RORA: variants seen among roughly 807,000 people sequenced by gnomAD.
RORA encodes RAR related orphan receptor A.
RORA carries 7 observed loss-of-function variants against 69.5 expected under a neutral mutation model. The observed-to-expected ratio is 0.10, with a 90% CI of 0.06 to 0.19. The LOEUF is 0.19. Ranked by LOEUF, RORA falls within the 10% of genes least tolerant of loss-of-function variation. RORA has a pLI of 1.00. For missense variants in RORA, 457 were observed against 663.0 expected (o/e 0.69, Z 3.41); for synonymous variants, 261 against 240.8 (o/e 1.08, Z -0.78).
chr15:61,193,695 T>C (rs995563439), intron 1 of RORA, among the ~76,000 whole-genome samples: 1 of 152,224 alleles, frequency 6.6e-6, no homozygotes, highest in Non-Finnish European at 1.5e-5. Flanking sequence ...AGAAACATCA[T>C]GTTAATTGCT....
intron 1 of RORA, among the ~76,000 whole-genome samples, chr15:61,052,463 G>A (rs938155186): frequency 1.3e-5 from 2 of 152,176 alleles, no homozygotes; most frequent in African/African-American, 2.4e-5. Context: ...AGTATCGTAC[G>A]ATGCTGATAC....
intron 2 of RORA, among the ~76,000 whole-genome samples, chr15:60,576,738 T>G (rs2068037686): frequency 6.6e-6 from 1 of 152,204 alleles, no homozygotes; most frequent in Non-Finnish European, 1.5e-5. Context: ...ATGGTGTATG[T>G]GTTAAGGTGC....
intron 2 of RORA, among the ~76,000 whole-genome samples, chr15:60,641,678 T>C (rs1438098325): frequency 1.3e-5 from 2 of 152,218 alleles, no homozygotes; most frequent in Non-Finnish European, 2.9e-5. Flanking sequence ...CCCAAAGTGC[T>C]GGGATTACAG....
intron 1 of RORA, among the ~76,000 whole-genome samples, chr15:61,103,017 T>A (rs1052654353): frequency 1.3e-5 from 2 of 152,244 alleles, no homozygotes; most frequent in Non-Finnish European, 1.5e-5. Context: ...GCCTACTATA[T>A]GCTTGGCAGG....
chr15:60,851,161 C>T (rs999051131), intron 1 of RORA, among the ~76,000 whole-genome samples: 9 of 152,176 alleles, frequency 5.9e-5, no homozygotes, highest in African/African-American at 2.2e-4. Flanking sequence ...TGTACATATA[C>T]ACACATAAAT....
At chr15:61,203,974 T>TTA (rs2079917321) in intron 1 of RORA, among the ~76,000 whole-genome samples, 1 of 152,226 alleles carries the variant, frequency 6.6e-6, no homozygotes, top group Admixed American at 6.5e-5. Flanking sequence ...CTGAGGCTGC[T>TTA]TAGTGTCAAA....
intron 1 of RORA, among the ~76,000 whole-genome samples, chr15:60,729,882 T>C (rs889715674): frequency 1.3e-5 from 2 of 152,264 alleles, no homozygotes; most frequent in African/African-American, 2.4e-5. Context: ...TTAAGGCTAG[T>C]TGTGGACAAT....
intron 1 of RORA, among the ~76,000 whole-genome samples, chr15:61,064,294 G>A (rs1196084916): frequency 6.6e-6 from 1 of 152,208 alleles, no homozygotes; most frequent in African/African-American, 2.4e-5. Flanking sequence ...CATCCGCGAA[G>A]GTTGTCCAGG....
intron 1 of RORA, among the ~76,000 whole-genome samples, chr15:60,817,149 T>G (rs959898759): frequency 2.6e-5 from 4 of 152,220 alleles, no homozygotes; most frequent in Non-Finnish European, 1.5e-5. Flanking sequence ...AAATCTAATT[T>G]TTTAGCAATT....
intron 2 of RORA, among the ~76,000 whole-genome samples, chr15:60,549,814 A>G (rs2067179235): frequency 6.6e-6 from 1 of 152,260 alleles, no homozygotes; most frequent in Non-Finnish European, 1.5e-5. Flanking sequence ...ATTGTGAAAC[A>G]GCCTACAATA....
At chr15:60,502,933 C>G (rs2141273520) in intron 7 of RORA, 66 bp from the exon 8 acceptor site, 1 of 1,059,116 alleles carries the variant, frequency 9.4e-7, no homozygotes, top group South Asian at 1.3e-5. Flanking sequence ...TGTTTCTAAG[C>G]TGCTCATGTA....
chr15:60,578,396 T>C (rs1453636703), intron 2 of RORA, among the ~76,000 whole-genome samples: 2 of 152,336 alleles, frequency 1.3e-5, no homozygotes, highest in Admixed American at 1.3e-4. Context: ...GATACAAGTT[T>C]TCCAAAATTC....
intron 1 of RORA, among the ~76,000 whole-genome samples, chr15:60,742,038 A>G (rs2071581788): frequency 6.6e-6 from 1 of 152,156 alleles, no homozygotes; most frequent in African/African-American, 2.4e-5. Flanking sequence ...CCAAGAAGCC[A>G]TTCTAGATTG....
intron 2 of RORA, chr15:60,592,479 C>A (rs1375716680): frequency 2.2e-6 from 3 of 1,340,050 alleles, no homozygotes; most frequent in Admixed American, 7.3e-5. Flanking sequence ...CCCCCTCTGC[C>A]GCCGCCGCGC....
chr15:60,584,544 C>T (rs944270573), intron 2 of RORA, among the ~76,000 whole-genome samples: 4 of 152,176 alleles, frequency 2.6e-5, no homozygotes, highest in Non-Finnish European at 5.9e-5. Flanking sequence ...TTTTTAAATG[C>T]TGATTCATGG....
chr15:60,524,600 C>G (rs1021540882), intron 3 of RORA, among the ~76,000 whole-genome samples: 6 of 152,218 alleles, frequency 3.9e-5, no homozygotes, highest in African/African-American at 1.4e-4. Context: ...GTATTTATCC[C>G]CCTCCTAGCC....
chr15:60,521,684 G>A (rs1210980362), intron 3 of RORA, among the ~76,000 whole-genome samples: 1 of 152,154 alleles, frequency 6.6e-6, no homozygotes, highest in Non-Finnish European at 1.5e-5. Context: ...ACTTGTCCAA[G>A]GTCCCATGGC....
chr15:60,584,401 C>A (rs2068272828), intron 2 of RORA, among the ~76,000 whole-genome samples: 1 of 152,198 alleles, frequency 6.6e-6, no homozygotes, highest in Non-Finnish European at 1.5e-5. Context: ...CATTTCATTG[C>A]ATTGTTTGGC....
At chr15:61,161,612 T>A (rs912791497) in intron 1 of RORA, among the ~76,000 whole-genome samples, 1 of 152,112 alleles carries the variant, frequency 6.6e-6, no homozygotes, top group African/African-American at 2.4e-5. Flanking sequence ...TGTTCTTATC[T>A]CCACTACTGG....
Sources: gnomAD v4.1 joint callset for allele counts (sites outside exome capture counted in the v4.1 genomes callset) on GRCh38, gnomAD v4.1.1 for gene constraint, MANE v1.5 for transcripts, NCBI Gene and HGNC (gene_info 2026-07-23, HGNC 2026-07-21) for gene names.